Variants in STMN2 observed in about 807,000 individuals in gnomAD.
The protein encoded by STMN2 is stathmin 2, also known as stathmin-2.
In STMN2, 2 loss-of-function variants were observed where a neutral mutation model predicts 24.1. That is an observed-to-expected ratio of 0.08 (90% confidence interval 0.03 to 0.26). The LOEUF (loss-of-function observed/expected upper bound fraction) is 0.26, where lower values mean the gene tolerates loss of function less well. STMN2 is among the 10% of genes least tolerant of loss of function. The pLI is 1.00. For synonymous variants in STMN2, 83 were observed against 77.5 expected (o/e 1.07, Z -0.37); for missense variants, 114 against 213.6 (o/e 0.53, Z 2.91).
intron 1 of STMN2, among the ~76,000 whole-genome samples, chr8:79,616,716 T>C (rs763830744): frequency 4.6e-5 from 7 of 152,198 alleles, no homozygotes; most frequent in Non-Finnish European, 8.8e-5. Flanking sequence ...ACAAAATATT[T>C]TACTTCCGAA....
rs1041354037 is a variant in STMN2, at chr8:79,660,796, G to T, written c.481-4019G>T. On this transcript the variant is annotated intron_variant, in intron 4 of 4. Coordinates refer to ENST00000220876, the MANE Select transcript of STMN2 (RefSeq NM_007029.4). The stretch of plus-strand genomic sequence containing the variant: ...CCCAATATGTAGTCTTTCATCCCTC[G>T]CCCCCACTCCCAACCTTCCCCCACA... Among the ~76,000 whole-genome samples, 4 of 150,724 alleles carry T rather than the reference G, an allele frequency of 2.7e-5. No individual in the cohort carries two copies. In the South Asian group the frequency reaches 8.4e-4, roughly 32 times the overall value.
chr8:79,614,873 T>A (rs1296375421), intron 1 of STMN2, among the ~76,000 whole-genome samples: 1 of 152,240 alleles, frequency 6.6e-6, no homozygotes, highest in Non-Finnish European at 1.5e-5. Context: ...TTTTTCAAAT[T>A]ACTAATGGAT....
chr8:79,649,223 G>A (rs941609731), intron 3 of STMN2, among the ~76,000 whole-genome samples: 3 of 152,034 alleles, frequency 2.0e-5, no homozygotes, highest in East Asian at 1.9e-4. Context: ...ATTATTCACC[G>A]CTTGACATTC....
intron 1 of STMN2, among the ~76,000 whole-genome samples, chr8:79,629,724 C>G (rs1272341593): frequency 3.3e-5 from 5 of 152,132 alleles, no homozygotes; most frequent in African/African-American, 1.2e-4. Flanking sequence ...CCTAAGACAA[C>G]ATTTAGGGAG....
chr8:79,629,572 A>T (rs6473171), intron 1 of STMN2, among the ~76,000 whole-genome samples: 45,800 of 152,102 alleles, frequency 0.3, 7,413 homozygotes, highest in African/African-American at 0.41. Context: ...CACACTGCGC[A>T]TTTTACAAAA....
intron 1 of STMN2, among the ~76,000 whole-genome samples, chr8:79,633,060 G>T (rs987515386): frequency 2.0e-5 from 3 of 151,950 alleles, no homozygotes; most frequent in Middle Eastern, 3.2e-3. Flanking sequence ...AATCTGCTGT[G>T]CTTTATTCAT....
rs569683381 is a variant in STMN2 at position 79,623,412 on chromosome 8, A to G, written c.19+12198A>G. Among the ~76,000 whole-genome samples the G allele has an allele frequency of 5.9e-5, 9 of 152,374 alleles. No individual in the cohort carries two copies. The South Asian group carries it at 1.9e-3, about 32-fold the overall frequency. ...TACAAAGGTTTAAGGGAGGATAACT[A>G]CCAATACCAAAACATTTTAAGCATT... On this transcript the variant is annotated intron_variant, in intron 1 of 4. Transcript: ENST00000220876.
At chr8:79,641,602 T>A in intron 3 of STMN2, 52 bp downstream of exon 3, 1 of 1,485,772 alleles carries the variant, frequency 6.7e-7, no homozygotes, top group Non-Finnish European at 9.2e-7. Flanking sequence ...TGCTCCTCCC[T>A]CTCACACACT....
chr8:79,615,631 A>G (rs552706235), intron 1 of STMN2, among the ~76,000 whole-genome samples: 2 of 152,330 alleles, frequency 1.3e-5, no homozygotes, highest in East Asian at 3.9e-4. Flanking sequence ...CATGTTCTCT[A>G]AAAAAGCAGA....
chr8:79,648,892 A>C (rs1810276255), intron 3 of STMN2, among the ~76,000 whole-genome samples: 1 of 152,220 alleles, frequency 6.6e-6, no homozygotes. Flanking sequence ...TTGTGAAAAC[A>C]AAAGGATTTT....
chr8:79,631,756 A>G (rs530681127), intron 1 of STMN2, among the ~76,000 whole-genome samples: 3 of 152,316 alleles, frequency 2.0e-5, no homozygotes. Context: ...CTGACTTTTA[A>G]AAAAAATTAT....
At chr8:79,613,119 G>A (rs1259402036) in intron 1 of STMN2, among the ~76,000 whole-genome samples, 1 of 152,028 alleles carries the variant, frequency 6.6e-6, no homozygotes, top group Non-Finnish European at 1.5e-5. Flanking sequence ...CCCACCCACG[G>A]TCCGCGGAGC....
chr8:79,613,650 T>C, intron 1 of STMN2: 2 of 985,478 alleles, frequency 2.0e-6, no homozygotes, highest in Non-Finnish European at 2.4e-6. Flanking sequence ...TAGCCTTGTT[T>C]GTTCTCATTT....
At chr8:79,635,509 T>C (rs563713541) in intron 1 of STMN2, among the ~76,000 whole-genome samples, 108 of 152,314 alleles carry the variant, frequency 7.1e-4, no homozygotes, top group African/African-American at 2.5e-3. Context: ...TCAAACTAGG[T>C]GTCCATCTAT....
intron 1 of STMN2, among the ~76,000 whole-genome samples, chr8:79,633,324 G>C (rs1016164509): frequency 3.9e-5 from 6 of 152,172 alleles, no homozygotes; most frequent in Admixed American, 3.9e-4. Flanking sequence ...TGGGGTCATA[G>C]CCTTTGAAAC....
At chr8:79,647,803 A>T (rs2130372240) in intron 3 of STMN2, among the ~76,000 whole-genome samples, 1 of 152,360 alleles carries the variant, frequency 6.6e-6, no homozygotes. Context: ...TCATCAGGTC[A>T]GTTTGAACCT....
chr8:79,630,133 A>G (rs182813152), intron 1 of STMN2, among the ~76,000 whole-genome samples: 2 of 152,174 alleles, frequency 1.3e-5, no homozygotes, highest in African/African-American at 2.4e-5. Flanking sequence ...TCTAAAGACA[A>G]TCAACCCCAT....
At chr8:79,638,258 AGAGTGGTTAGGACAAAG>A in intron 2 of STMN2, among the ~76,000 whole-genome samples, 1 of 152,338 alleles carries the variant, frequency 6.6e-6, no homozygotes, top group South Asian at 2.1e-4. Context: ...TGTAGAACAC[AGAGTGGTTAGGACAAAG>A]GAGCCAGGGA....
intron 1 of STMN2, among the ~76,000 whole-genome samples, chr8:79,624,058 C>T (rs541621861): frequency 2.0e-5 from 3 of 152,148 alleles, no homozygotes; most frequent in East Asian, 1.9e-4. Flanking sequence ...GAATCAGATT[C>T]CATTTGTTGA....
Sources: allele counts gnomAD v4.1 joint callset (sites outside exome capture counted in the v4.1 genomes callset), GRCh38; gene constraint gnomAD v4.1.1; transcripts MANE v1.5; gene names NCBI Gene and HGNC (gene_info 2026-07-23, HGNC 2026-07-21).